Variants in CCND3 observed in about 807,000 individuals in gnomAD.
CCND3 encodes cyclin D3, also known as G1/S-specific cyclin-D3.
Under a neutral mutation model 28.7 loss-of-function variants are expected in CCND3, and 9 were observed. The observed-to-expected ratio is 0.31, with a 90% CI of 0.19 to 0.55. The LOEUF (loss-of-function observed/expected upper bound fraction) is 0.55. CCND3 is among the 20% of genes least tolerant of loss of function. The pLI, the probability that CCND3 is intolerant of heterozygous loss-of-function variation, is 0.93. For missense variants in CCND3, 315 were observed against 385.8 expected (o/e 0.82, Z 1.54); for synonymous variants, 164 against 163.9 (o/e 1.00, Z 0.00).
At chr6:42,024,701 AC>A (rs1406846432) in intron 1 of CCND3, among the ~76,000 whole-genome samples, 1 of 152,088 alleles carries the variant, frequency 6.6e-6, no homozygotes, top group Non-Finnish European at 1.5e-5. Context: ...CAGGTGAATC[AC>A]CTGAGGGTAG....
Position 41,936,749 on chromosome 6 carries a change from C to T in CCND3, c.575-54G>A, listed in dbSNP as rs770898395. 27 of 1,580,842 alleles carry T rather than the reference C, an allele frequency of 1.7e-5. No homozygotes were observed. The highest frequency in any genetic ancestry group is 2.2e-5 in the Non-Finnish European group (25 of 1,157,644). On this transcript the variant is annotated intron_variant, in intron 3 of 4. Coordinates refer to ENST00000372991, the MANE Select transcript of CCND3 (RefSeq NM_001760.5). This position sits in a 1 kb window ranked among gnomAD's most constrained non-coding sequence, Gnocchi z 4.4. ...AGAAGGAAACCTGAAGGATAACGGC[C>T]AGCATGGACTTCCGACTCCTTGGAA...
chr6:41,989,469 A>C (rs1762590477), intron 1 of CCND3, among the ~76,000 whole-genome samples: 2 of 150,738 alleles, frequency 1.3e-5, no homozygotes, highest in Non-Finnish European at 3.0e-5. Context: ...AAAAAAAACA[A>C]AAAAAAAAAA....
Position 41,936,070 on chromosome 6 carries a change from G to T in CCND3, c.749C>A (p.Ala250Glu). 1 of 1,610,618 alleles carries T rather than the reference G, an allele frequency of 6.2e-7. No individual in the cohort carries two copies. Among genetic ancestry groups the T allele is most frequent in the African/African-American group, 1.3e-5 (1 of 74,956 alleles). The change falls in exon 5 of 5, where the codon GCA (alanine) becomes GAA (glutamate). Residue 250 changes from alanine to glutamate, a missense_variant. Coordinates refer to ENST00000372991, the MANE Select transcript of CCND3 (RefSeq NM_001760.5). This position sits in a 1 kb window ranked among gnomAD's most constrained non-coding sequence, Gnocchi z 4.4. Reference protein sequence around the residue: ...LRACQEQIEAALRESLREASQ... With the variant: ...LRACQEQIEAELRESLREASQ... ...GGCTTCCCTGAGGCTCTCCCTGAGT[G>T]CAGCTTCGATCTGCTCCTGACAGGC...
At chr6:42,049,152 C>T (rs1369966702), upstream of CCND3, among the ~76,000 whole-genome samples, 3 of 152,248 alleles carry the variant, frequency 2.0e-5, no homozygotes, top group Non-Finnish European at 2.9e-5. Flanking sequence ...TCTCCTGCCT[C>T]AGCCTCCCGA....
intron 1 of CCND3, among the ~76,000 whole-genome samples, chr6:41,949,847 C>T (rs952669205): frequency 6.6e-6 from 1 of 151,768 alleles, no homozygotes; most frequent in Non-Finnish European, 1.5e-5. Flanking sequence ...GTAATCCCAG[C>T]ACTTTGGGAG....
chr6:41,964,736 G>A (rs1582113834), intron 1 of CCND3, among the ~76,000 whole-genome samples: 1 of 152,152 alleles, frequency 6.6e-6, no homozygotes, highest in African/African-American at 2.4e-5. Context: ...CCTAAAGGGA[G>A]CAGAGGGCTG....
intron 1 of CCND3, among the ~76,000 whole-genome samples, chr6:42,022,016 A>G (rs1475402608): frequency 6.6e-6 from 1 of 152,228 alleles, no homozygotes; most frequent in Non-Finnish European, 1.5e-5. Context: ...TGCTAGCTTA[A>G]AGGAAGCAAG....
At chr6:41,988,507 A>G (rs913862931) in intron 1 of CCND3, among the ~76,000 whole-genome samples, 12 of 152,080 alleles carry the variant, frequency 7.9e-5, no homozygotes, top group African/African-American at 2.4e-4. Context: ...TAACTGCTGG[A>G]TCATTTTCCT....
intron 1 of CCND3, among the ~76,000 whole-genome samples, chr6:41,971,418 C>G (rs917790194): frequency 1.3e-5 from 2 of 152,098 alleles, no homozygotes; most frequent in Non-Finnish European, 2.9e-5. Context: ...GTACCTGCCA[C>G]TGAGCCTGGC....
At chr6:41,962,588 C>CA (rs1270599902) in intron 1 of CCND3, among the ~76,000 whole-genome samples, 2 of 152,000 alleles carry the variant, frequency 1.3e-5, no homozygotes, top group Non-Finnish European at 2.9e-5. Context: ...CCCGTCTCTA[C>CA]AAAAAAATTA....
At chr6:41,987,501 CTCTCTCTCTCTCTCTCTGTG>C (rs1448899903) in intron 1 of CCND3, among the ~76,000 whole-genome samples, 191 of 84,658 alleles carry the variant, frequency 2.3e-3, no homozygotes, top group African/African-American at 2.8e-3. Context: ...CTCTCTCTCT[CTCTCTCTCTCTCTCTCTGTG>C]TGTGTGTGTG....
chr6:42,020,855 A>G (rs6937803), intron 1 of CCND3, among the ~76,000 whole-genome samples: 83,058 of 152,098 alleles, frequency 0.55, 22,848 homozygotes, highest in African/African-American at 0.61. Context: ...GGGTTCAAGT[A>G]ATTCTCCCGA....
chr6:42,009,925 A>G (rs981846902), intron 1 of CCND3, among the ~76,000 whole-genome samples: 9 of 152,310 alleles, frequency 5.9e-5, no homozygotes, highest in Admixed American at 5.2e-4. Flanking sequence ...GTTGGGCCCC[A>G]CTTAGTCCTA....
At chr6:41,976,547 G>A (rs2127410176) in intron 1 of CCND3, among the ~76,000 whole-genome samples, 1 of 152,140 alleles carries the variant, frequency 6.6e-6, no homozygotes, top group African/African-American at 2.4e-5. Flanking sequence ...CAGAAACTTG[G>A]GGACTTGAAG....
chr6:42,033,846 C>T (rs901737222), intron 1 of CCND3, among the ~76,000 whole-genome samples: 11 of 144,140 alleles, frequency 7.6e-5, no homozygotes, highest in South Asian at 2.3e-4. Context: ...AGCGAAACTC[C>T]GTCTCAAAAA....
intron 1 of CCND3, among the ~76,000 whole-genome samples, chr6:42,039,088 G>A (rs1764301964): frequency 6.6e-6 from 1 of 152,170 alleles, no homozygotes; most frequent in African/African-American, 2.4e-5. Flanking sequence ...CTTCACCCAG[G>A]CTTAACATAA....
intron 1 of CCND3, among the ~76,000 whole-genome samples, chr6:42,010,136 A>G (rs993199876): frequency 6.6e-6 from 1 of 152,136 alleles, no homozygotes; most frequent in African/African-American, 2.4e-5. Flanking sequence ...TATCAACTTC[A>G]TAAGTGGTTT....
Position 41,960,575 on chromosome 6 carries a change from TTCC to T in CCND3, c.-45-19993_-45-19991del, listed in dbSNP as rs541198579. 7.9e-5 allele frequency among the ~76,000 whole-genome samples: 12 copies of T among 152,308 alleles called. No homozygotes were observed. The East Asian group carries it at 2.3e-3, about 29-fold the overall frequency. On this transcript the variant is annotated intron_variant, in intron 1 of 4. Transcript: ENST00000372988. ...TGTGTGACCGGGGGAAATTATCTGA[TTCC>T]TCATCTGCAAAATAGGGGAGTACTA...
Position 41,936,813 on chromosome 6 carries a change from AAAAC to A in CCND3, c.575-122_575-119del. On this transcript the variant is annotated intron_variant, in intron 3 of 4. Transcript: ENST00000372991. This position sits in a 1 kb window ranked among gnomAD's most constrained non-coding sequence, Gnocchi z 4.4. ...ATGAGTAGAGCAGAGGACATGCTGG[AAAAC>A]TCCAGCAGTGGGTGGGGCAAGATAT... 8 of 1,063,976 alleles carry A rather than the reference AAAAC, an allele frequency of 7.5e-6. No individual in the cohort carries two copies. The highest frequency in any genetic ancestry group is 2.5e-5 in the East Asian group (1 of 39,950). 65.9% of individuals were successfully genotyped at this position (1,063,976 alleles called of 1,614,324 possible). A position where few individuals can be genotyped will look rare whatever the true frequency, so the allele number is the denominator to read the frequency against.
Sources: allele counts gnomAD v4.1 joint callset (sites outside exome capture counted in the v4.1 genomes callset), GRCh38; gene constraint gnomAD v4.1.1; non-coding constraint Gnocchi (gnomAD v3.1); transcripts MANE v1.5; gene names NCBI Gene and HGNC (gene_info 2026-07-23, HGNC 2026-07-21).